TMC5: variants seen among roughly 807,000 people sequenced by gnomAD.
TMC5 encodes transmembrane channel-like protein 5.
A neutral mutation model predicts 110.5 loss-of-function variants in TMC5; 86 were observed. The ratio of observed to expected loss-of-function variants is 0.78; its 90% confidence interval spans 0.65 to 0.93. TMC5 has a LOEUF of 0.93. Among genes scored for constraint, TMC5 ranks in the 40% least tolerant of loss-of-function variants. TMC5 has a pLI of 0.00. For synonymous variants in TMC5, 455 were observed against 439.5 expected (o/e 1.04, Z -0.44); for missense variants, 1,144 against 1,222.8 (o/e 0.94, Z 0.96).
At chr16:19,463,394 G>C in intron 7 of TMC5, 27 bp downstream of exon 7, 1 of 1,555,730 alleles carries the variant, frequency 6.4e-7, no homozygotes, top group Non-Finnish European at 8.9e-7. Flanking sequence ...GGCACAGCAA[G>C]AGGGTGAAAA....
At chr16:19,457,707 T>G (rs1030985513) in intron 5 of TMC5, among the ~76,000 whole-genome samples, 3 of 116,244 alleles carry the variant, frequency 2.6e-5, no homozygotes, top group Non-Finnish European at 5.1e-5. Context: ...CAAGACTACA[T>G]TCTTTTTTTT....
At chr16:19,488,657 G>A (rs1968810642) in intron 17 of TMC5, among the ~76,000 whole-genome samples, 2 of 151,960 alleles carry the variant, frequency 1.3e-5, no homozygotes, top group South Asian at 2.1e-4. Context: ...CAGCTCCAAG[G>A]CCCTCTCCAA....
chr16:19,467,188 G>T (rs967514884), intron 9 of TMC5, among the ~76,000 whole-genome samples: 1 of 152,064 alleles, frequency 6.6e-6, no homozygotes, highest in Admixed American at 6.6e-5. Context: ...TGCAATCTCT[G>T]TATTAGTTTG....
chr16:19,447,133 C>T (rs1189089597), intron 4 of TMC5, among the ~76,000 whole-genome samples: 2 of 152,164 alleles, frequency 1.3e-5, no homozygotes, highest in African/African-American at 4.8e-5. Flanking sequence ...CAAGCATTTT[C>T]TTCTTACGGG....
chr16:19,444,055 T>C (rs1967555404), intron 3 of TMC5, 26 bp from the exon 4 acceptor site: 1 of 1,608,224 alleles, frequency 6.2e-7, no homozygotes, highest in South Asian at 1.1e-5. Context: ...CTTGGTTGGA[T>C]AGTGATCCAT....
At chr16:19,437,959 A>G (rs984384690) in intron 2 of TMC5, among the ~76,000 whole-genome samples, 1 of 152,078 alleles carries the variant, frequency 6.6e-6, no homozygotes, top group Non-Finnish European at 1.5e-5. Context: ...CTCTGTGGCC[A>G]GGGGGATGGT....
At position 19,490,402 on chromosome 16, in the gene TMC5, C is replaced by G; in HGVS notation, c.2581C>G (p.Pro861Ala). ...TLAITIWRLKPSADCGPFRGL... is the reference protein window; with the variant it reads ...TLAITIWRLKASADCGPFRGL... ...CCATCTTTGTTTTACCAGATTGAAGCCTTCAGCTGACTGTGGCCCTTTTCG... is the reference window on the plus strand; with the variant it reads ...CCATCTTTGTTTTACCAGATTGAAGGCTTCAGCTGACTGTGGCCCTTTTCG... The change falls in exon 18 of 22, where the codon CCT becomes GCT. Residue 861 changes from proline to alanine, a missense_variant. Coordinates refer to ENST00000542583, the MANE Select transcript of TMC5 (RefSeq NM_001261841.2). 1.2e-6 allele frequency: 2 copies of G among 1,614,054 alleles called. No individual in the cohort carries two copies. The highest frequency in any genetic ancestry group is 1.1e-5 in the South Asian group (1 of 91,062).
chr16:19,471,401 G>T (rs1258333713), intron 10 of TMC5, among the ~76,000 whole-genome samples: 2 of 152,136 alleles, frequency 1.3e-5, no homozygotes, highest in African/African-American at 4.8e-5. Context: ...AAATAAAGGG[G>T]CTTCAACAAG....
chr16:19,496,821 C>T (rs145122295), intron 20 of TMC5, among the ~76,000 whole-genome samples: 4,003 of 137,516 alleles, frequency 0.029, 77 homozygotes, highest in Non-Finnish European at 0.042. Flanking sequence ...ACCCGAGAGG[C>T]GGAGGTTGCA....
chr16:19,465,001 G>T (rs954461898), intron 8 of TMC5, among the ~76,000 whole-genome samples: 2 of 73,674 alleles, frequency 2.7e-5, no homozygotes, highest in African/African-American at 8.3e-5. Flanking sequence ...CTTTCCTTTT[G>T]TCTTTCTTTC....
chr16:19,467,354 C>A (rs951828954), intron 9 of TMC5, among the ~76,000 whole-genome samples: 1 of 152,150 alleles, frequency 6.6e-6, no homozygotes, highest in African/African-American at 2.4e-5. Context: ...CCACTGTCTC[C>A]TGCCTGTGTC....
intron 12 of TMC5, among the ~76,000 whole-genome samples, chr16:19,475,178 T>C (rs7200313): frequency 0.018 from 2,803 of 152,200 alleles, 88 homozygotes; most frequent in African/African-American, 0.063. Context: ...TCCCAGCACT[T>C]TGGGAGGCCA....
At chr16:19,469,988 G>C (rs1254761237) in intron 10 of TMC5, among the ~76,000 whole-genome samples, 163 bp downstream of exon 10, 1 of 151,480 alleles carries the variant, frequency 6.6e-6, no homozygotes, top group Non-Finnish European at 1.5e-5. Context: ...TCCGCCTCCC[G>C]GGTTCACGCC....
intron 2 of TMC5, among the ~76,000 whole-genome samples, chr16:19,433,925 A>T (rs1967245759): frequency 6.9e-6 from 1 of 145,804 alleles, no homozygotes; most frequent in South Asian, 2.1e-4. Context: ...GGCTCAAGCG[A>T]TCCTCCCGCC....
At chr16:19,457,280 G>A (rs1335475948) in intron 5 of TMC5, among the ~76,000 whole-genome samples, 1 of 152,180 alleles carries the variant, frequency 6.6e-6, no homozygotes, top group Admixed American at 6.5e-5. Flanking sequence ...TGTGGTCCCA[G>A]CTACTCAGGA....
chr16:19,480,185 T>C (rs1351514615), intron 14 of TMC5, among the ~76,000 whole-genome samples: 2 of 152,192 alleles, frequency 1.3e-5, no homozygotes, highest in African/African-American at 4.8e-5. Context: ...CATCTTTCCA[T>C]GTCAGTACAT....
At chr16:19,422,234 A>C (rs1967000459) in intron 1 of TMC5, among the ~76,000 whole-genome samples, 1 of 151,886 alleles carries the variant, frequency 6.6e-6, no homozygotes, top group Non-Finnish European at 1.5e-5. Context: ...CCATTTCAAA[A>C]AAAAAAAAGA....
chr16:19,435,067 A>ATAAGAAATTTTC (rs1237912842), intron 2 of TMC5, among the ~76,000 whole-genome samples: 13 of 152,234 alleles, frequency 8.5e-5, no homozygotes, highest in Admixed American at 2.6e-4. Flanking sequence ...ATTTTCTTTG[A>ATAAGAAATTTTC]TTTATGTATA....
At position 19,444,139 on chromosome 16, in the gene TMC5, G is replaced by T. The variant is rs115989381; in HGVS notation, c.847G>T (p.Val283Leu). The change falls in exon 4 of 22, where the codon GTG becomes TTG. Residue 283 changes from valine (V) to leucine (L), a missense_variant. Transcript: ENST00000542583. ...PSFRHRSDDP[V>L]GSLWGENDYP... ...ATTTCGTCACAGGAGTGATGACCCCGTGGGCAGTCTTTGGGGAGAGAATGA... is the reference window on the plus strand; with the variant it reads ...ATTTCGTCACAGGAGTGATGACCCCTTGGGCAGTCTTTGGGGAGAGAATGA... 2.5e-6 allele frequency: 4 copies of T among 1,614,080 alleles called. No homozygotes were observed. Among genetic ancestry groups the T allele is most frequent in the South Asian group, 2.2e-5 (2 of 91,084 alleles).
Sources: gnomAD v4.1 joint callset for allele counts (sites outside exome capture counted in the v4.1 genomes callset) on GRCh38, gnomAD v4.1.1 for gene constraint, MANE v1.5 for transcripts, NCBI Gene and HGNC (gene_info 2026-07-23, HGNC 2026-07-21) for gene names.